Variants in HNF4A observed in about 807,000 individuals in gnomAD.
HNF4A encodes hepatocyte nuclear factor 4 alpha.
In HNF4A, 15 loss-of-function variants were observed where a neutral mutation model predicts 52.4. The ratio of observed to expected loss-of-function variants is 0.29; its 90% confidence interval spans 0.19 to 0.44. The LOEUF (loss-of-function observed/expected upper bound fraction) is 0.44, where lower values mean the gene tolerates loss of function less well. Ranked by LOEUF, HNF4A falls within the 20% of genes least tolerant of loss-of-function variation. The pLI is 1.00. For missense variants in HNF4A, 479 were observed against 647.2 expected (o/e 0.74, Z 2.82); for synonymous variants, 280 against 264.4 (o/e 1.06, Z -0.57).
chr20:44,374,409 A>AT lies in HNF4A; in HGVS notation c.49+18560dup, dbSNP rs2063064170. Reference sequence around the variant, plus strand: ...CTATTCCATAGTGTATATGTACCACATTTTCATTATCCATTCCACTGCTGA... The same window carrying AT: ...CTATTCCATAGTGTATATGTACCACATTTTTCATTATCCATTCCACTGCTGA... On this transcript the variant is annotated intron_variant, in intron 1 of 9. Coordinates refer to the HNF4A transcript ENST00000316673. Among the ~76,000 whole-genome samples, 8 of 151,958 alleles carry AT rather than the reference A, an allele frequency of 5.3e-5. No individual in the cohort carries two copies. The South Asian group carries it at 1.5e-3, about 28-fold the overall frequency.
downstream of HNF4A, chr20:44,434,160 C>A (rs900633914): frequency 6.6e-6 from 1 of 152,202 alleles, no homozygotes; most frequent in Non-Finnish European, 1.5e-5. Flanking sequence ...GGGAAGCACA[C>A]GTTTTGCTGA....
intron 3 of HNF4A, among the ~76,000 whole-genome samples, chr20:44,408,932 C>T (rs73909506): frequency 0.085 from 12,909 of 151,830 alleles, 584 homozygotes; most frequent in African/African-American, 0.12. Context: ...GAAGCAGGAA[C>T]GTAGGACCCA....
At chr20:44,384,712 G>C (rs886342746) in intron 1 of HNF4A, 1 of 152,068 alleles carries the variant, frequency 6.6e-6, no homozygotes, top group Non-Finnish European at 1.5e-5. Flanking sequence ...TTCAAAGGAA[G>C]CAAGAAAATG....
downstream of HNF4A, chr20:44,432,880 G>T (rs1198611183): frequency 6.6e-6 from 1 of 152,188 alleles, no homozygotes; most frequent in Non-Finnish European, 1.5e-5. Context: ...TCAGGTATCA[G>T]AAATAAGACT....
intron 7 of HNF4A, among the ~76,000 whole-genome samples, chr20:44,422,696 AAT>A (rs147466065): frequency 1.3e-4 from 19 of 146,620 alleles, no homozygotes; most frequent in South Asian, 4.3e-4. Flanking sequence ...TATTTTTTAA[AAT>A]ATATATATAT....
intron 1 of HNF4A, among the ~76,000 whole-genome samples, chr20:44,368,160 A>ATATATATATTTTTTT (rs1200638153): frequency 3.2e-4 from 9 of 27,782 alleles, no homozygotes; most frequent in Non-Finnish European, 4.8e-4. Flanking sequence ...ATATATATAT[A>ATATATATATTTTTTT]TTTTTTTTTT....
rs113467747 is a variant in HNF4A, at chr20:44,402,211, T to G, written c.115+724T>G. ...TGGGTCTGTGTTTGTGTCTTAGGAG[T>G]TGCCCGTGTTGATCTTGCTTATGTA... On this transcript the variant is annotated intron_variant, in intron 1 of 9. Transcript: ENST00000316099. Among the ~76,000 whole-genome samples the G allele has an allele frequency of 4.3e-3, 650 of 152,160 alleles. 6 individuals carry two copies. Among genetic ancestry groups the G allele is most frequent in the East Asian group, 0.034 (178 of 5,178 alleles).
In HNF4A at chr20:44,416,526, G is replaced by A. The variant is rs2063667512; in HGVS notation, c.648+1864G>A. Among the ~76,000 whole-genome samples, 5 of 152,384 alleles carry A rather than the reference G, an allele frequency of 3.3e-5. No individual in the cohort carries two copies. In the South Asian group the frequency reaches 1.0e-3, roughly 32 times the overall value. Reference sequence around the variant, plus strand: ...AGTGCCCAGTGCGCAGGAGGCGCTTGGCAATCAGCATCCTCGGCCTCCCTC... The same window carrying A: ...AGTGCCCAGTGCGCAGGAGGCGCTTAGCAATCAGCATCCTCGGCCTCCCTC... On this transcript the variant is annotated intron_variant, in intron 5 of 9. Transcript: ENST00000316099.
intron 1 of HNF4A, among the ~76,000 whole-genome samples, chr20:44,360,869 C>G (rs557448324): frequency 1.3e-5 from 2 of 152,250 alleles, no homozygotes; most frequent in African/African-American, 4.8e-5. Context: ...TTCTCTGGTC[C>G]TCAGTTTCTT....
upstream of HNF4A, among the ~76,000 whole-genome samples, chr20:44,396,522 GCTGC>G (rs1301154809): frequency 6.6e-6 from 1 of 152,108 alleles, no homozygotes; most frequent in Admixed American, 6.5e-5. Context: ...CCTGGAATCT[GCTGC>G]CTCTTGAGCT....
At chr20:44,398,237 A>G (rs2063371133), upstream of HNF4A, among the ~76,000 whole-genome samples, 2 of 152,246 alleles carry the variant, frequency 1.3e-5, no homozygotes, top group African/African-American at 4.8e-5. Context: ...AATACAAAGC[A>G]AAAAGATGGA....
At chr20:44,384,006 A>T (rs963272827) in intron 1 of HNF4A, among the ~76,000 whole-genome samples, 1 of 151,738 alleles carries the variant, frequency 6.6e-6, no homozygotes, top group Non-Finnish European at 1.5e-5. Context: ...ACATGCCACC[A>T]CACCCGGCTA....
intron 1 of HNF4A, among the ~76,000 whole-genome samples, chr20:44,395,957 C>A (rs1026582668): frequency 6.6e-6 from 1 of 152,124 alleles, no homozygotes; most frequent in Non-Finnish European, 1.5e-5. Context: ...GTGGAGGATG[C>A]CCCTGCCCCT....
At chr20:44,372,664 T>C (rs1028060930) in intron 1 of HNF4A, 1 of 152,170 alleles carries the variant, frequency 6.6e-6, no homozygotes, top group African/African-American at 2.4e-5. Context: ...GGAAGAGGTT[T>C]TTTTTTCCCC....
At chr20:44,417,518 A>ATCCTGGAGTT (rs1156697286) in intron 5 of HNF4A, among the ~76,000 whole-genome samples, 1 of 152,170 alleles carries the variant, frequency 6.6e-6, no homozygotes, top group East Asian at 1.9e-4. Flanking sequence ...CCCTCTCAGA[A>ATCCTGGAGTT]TCCTGGAGTC....
rs543851638 is a variant in HNF4A, at chr20:44,396,065, C to T, written c.50-9993C>T. ...CACCAGCTCCAGTGCCTTAGAATTC[C>T]GAAGTCCTTTCAGGGATTCCAGGAG... On this transcript the variant is annotated intron_variant, in intron 1 of 9. Transcript: ENST00000316673. 2.5e-4 allele frequency among the ~76,000 whole-genome samples: 38 copies of T among 152,262 alleles called. 1 individual carries two copies. The highest frequency in any genetic ancestry group is 8.7e-4 in the African/African-American group (36 of 41,540).
intron 2 of HNF4A, 45 bp downstream of exon 2, chr20:44,406,277 GCTCATGGC>G (rs1157015864): frequency 6.4e-7 from 1 of 1,574,376 alleles, no homozygotes; most frequent in Admixed American, 1.7e-5. Context: ...GCACACTTGG[GCTCATGGC>G]CCCAAGGTCT....
intron 1 of HNF4A, among the ~76,000 whole-genome samples, chr20:44,356,101 C>T (rs2062854619): frequency 6.6e-6 from 1 of 152,174 alleles, no homozygotes. Flanking sequence ...CTCATTTTGT[C>T]TGTCCAGAGG....
At position 44,430,792 on chromosome 20, in the gene HNF4A, T is replaced by C. The variant is rs757386171; in HGVS notation, c.*1127T>C. 494 of 152,586 alleles carry C rather than the reference T, an allele frequency of 3.2e-3. 2 individuals carry two copies. Among genetic ancestry groups the C allele is most frequent in the Non-Finnish European group, 5.4e-3 (368 of 68,262 alleles). 9.5% of individuals were successfully genotyped at this position (152,586 alleles called of 1,614,324 possible). On this transcript the variant is annotated 3_prime_UTR_variant, in exon 10 of 10. Coordinates refer to ENST00000316099, the MANE Select transcript of HNF4A (RefSeq NM_000457.6). ...GGGAGGTCAGGTGGGGTGGATGATATAATGCGGGTGAGAGTAATGAGGCTT... is the reference window on the plus strand; with the variant it reads ...GGGAGGTCAGGTGGGGTGGATGATACAATGCGGGTGAGAGTAATGAGGCTT...
Sources: gnomAD v4.1 joint callset for allele counts (sites outside exome capture counted in the v4.1 genomes callset) on GRCh38, gnomAD v4.1.1 for gene constraint, MANE v1.5 for transcripts, NCBI Gene and HGNC (gene_info 2026-07-23, HGNC 2026-07-21) for gene names.